FGGY: variants seen among roughly 807,000 people sequenced by gnomAD.
FGGY encodes FGGY carbohydrate kinase domain containing.
FGGY carries 72 observed loss-of-function variants against 71.3 expected under a neutral mutation model. The observed-to-expected ratio is 1.01, with a 90% CI of 0.84 to 1.23. FGGY has a LOEUF of 1.23. FGGY is among the 50% of genes most tolerant of loss of function. The pLI, the probability that FGGY is intolerant of heterozygous loss-of-function variation, is 0.00. For synonymous variants in FGGY, 251 were observed against 250.3 expected, an observed-to-expected ratio of 1.00 and a Z score of -0.02; for missense variants, 668 against 682.3, an observed-to-expected ratio of 0.98 and a Z score of 0.23.
chr1:59,737,717 G>A (rs1483648979), intron 14 of FGGY, among the ~76,000 whole-genome samples: 2 of 152,220 alleles, frequency 1.3e-5, no homozygotes, highest in Non-Finnish European at 2.9e-5. Flanking sequence ...AGGCAGAAGG[G>A]ACTTACCTTT....
At chr1:59,462,869 A>G (rs2092347114) in intron 6 of FGGY, among the ~76,000 whole-genome samples, 1 of 151,750 alleles carries the variant, frequency 6.6e-6, no homozygotes, top group Non-Finnish European at 1.5e-5. Flanking sequence ...GGGACTGTAA[A>G]CTAGTTCAAC....
intron 14 of FGGY, among the ~76,000 whole-genome samples, chr1:59,748,853 C>T (rs984788027): frequency 6.6e-6 from 1 of 151,980 alleles, no homozygotes; most frequent in African/African-American, 2.4e-5. Flanking sequence ...GGCTGAGAAC[C>T]CCTCCGTAGC....
In FGGY at chr1:59,647,693, G is replaced by A. The variant is rs1005307853; in HGVS notation, c.1221+9318G>A. Among the ~76,000 whole-genome samples the A allele has an allele frequency of 2.0e-5, 3 of 150,210 alleles. No homozygotes were observed. In the East Asian group the frequency reaches 5.9e-4, roughly 29 times the overall value. ...AAAGGTCAGCCAGTGATCCTTCTCA[G>A]CTTTCAGAGGCCTCCGGCATTCCTG... On this transcript the variant is annotated intron_variant, in intron 11 of 15. Coordinates refer to ENST00000303721, the MANE Select transcript of FGGY (RefSeq NM_018291.5).
chr1:59,558,798 A>G (rs984574265), intron 8 of FGGY, among the ~76,000 whole-genome samples: 5 of 146,680 alleles, frequency 3.4e-5, no homozygotes, highest in African/African-American at 5.2e-5. Context: ...TCTCAACCTC[A>G]TAAGACAGAC....
At chr1:59,372,463 C>T (rs1171066053) in intron 4 of FGGY, among the ~76,000 whole-genome samples, 6 of 152,094 alleles carry the variant, frequency 3.9e-5, no homozygotes, top group Non-Finnish European at 5.9e-5. Flanking sequence ...GATTCACAGC[C>T]GAATTCTACC....
At chr1:59,720,227 A>G (rs1244620472) in intron 14 of FGGY, among the ~76,000 whole-genome samples, 1 of 152,178 alleles carries the variant, frequency 6.6e-6, no homozygotes, top group Non-Finnish European at 1.5e-5. Context: ...CACCCAATGC[A>G]TGCTTTGCAA....
At chr1:59,483,357 T>C (rs915236537) in intron 6 of FGGY, among the ~76,000 whole-genome samples, 51 of 152,182 alleles carry the variant, frequency 3.4e-4, no homozygotes, top group African/African-American at 1.1e-3. Context: ...ATACTGGAGA[T>C]AGCACATGTG....
chr1:59,675,250 G>C (rs1392087363), intron 14 of FGGY, among the ~76,000 whole-genome samples: 1 of 152,138 alleles, frequency 6.6e-6, no homozygotes, highest in Non-Finnish European at 1.5e-5. Context: ...CAGGTATCTA[G>C]TAGCTCAGTA....
chr1:59,350,002 C>G lies in FGGY; in HGVS notation c.465+3604C>G, dbSNP rs188075374. 2.8e-3 allele frequency among the ~76,000 whole-genome samples: 421 copies of G among 151,984 alleles called. 2 individuals are homozygous for G. In the South Asian group the frequency reaches 0.03, roughly 11 times the overall value. On this transcript the variant is annotated intron_variant, in intron 4 of 15. Coordinates refer to ENST00000303721, the MANE Select transcript of FGGY (RefSeq NM_018291.5). ...AGCTCTGCTCCCCTACCCTGAAAAG[C>G]ATCCACTTTTGGGGAATCAGGGAAT...
At chr1:59,415,961 C>T (rs753548382) in intron 5 of FGGY, among the ~76,000 whole-genome samples, 1 of 152,150 alleles carries the variant, frequency 6.6e-6, no homozygotes. Flanking sequence ...ACCAACTATA[C>T]CCATGGAGAG....
chr1:59,466,017 T>C (rs1397988224), intron 6 of FGGY, among the ~76,000 whole-genome samples: 7 of 152,176 alleles, frequency 4.6e-5, no homozygotes, highest in Non-Finnish European at 1.5e-5. Context: ...TTAAAGTTCA[T>C]ATGGAACCAA....
intron 6 of FGGY, among the ~76,000 whole-genome samples, chr1:59,510,799 A>G (rs542132364): frequency 6.6e-6 from 1 of 152,314 alleles, no homozygotes; most frequent in East Asian, 1.9e-4. Context: ...TTTCCGCTTA[A>G]CACCTCTCAA....
chr1:59,502,761 AC>A (rs1217519774), intron 6 of FGGY, among the ~76,000 whole-genome samples: 1 of 152,070 alleles, frequency 6.6e-6, no homozygotes, highest in Non-Finnish European at 1.5e-5. Flanking sequence ...CAGGGAAGCC[AC>A]CTCCTTCTCT....
chr1:59,644,529 T>G (rs1335707153), intron 11 of FGGY, among the ~76,000 whole-genome samples: 3 of 152,000 alleles, frequency 2.0e-5, no homozygotes, highest in African/African-American at 7.3e-5. Context: ...TACGATTATT[T>G]AAAAGAAGCA....
At position 59,433,709 on chromosome 1, in the gene FGGY, A is replaced by G. The variant is rs763138957; in HGVS notation, c.555-23252A>G. On this transcript the variant is annotated intron_variant, in intron 5 of 15. Transcript: ENST00000303721. ...TGTCACTGGTGACACATAGAGCCCA[A>G]TGAGAACTCTGTTGGAAACTCAAGT... Among the ~76,000 whole-genome samples, 188 of 152,268 alleles carry G rather than the reference A, an allele frequency of 1.2e-3. 1 individual carries two copies. Among genetic ancestry groups the G allele is most frequent in the East Asian group, 3.9e-4 (2 of 5,180 alleles).
At chr1:59,378,912 C>T (rs2059014398) in intron 5 of FGGY, 75 bp downstream of exon 5, 2 of 1,193,160 alleles carry the variant, frequency 1.7e-6, no homozygotes, top group Non-Finnish European at 1.2e-6. Context: ...GCTTTCTTAA[C>T]TCTCTTTGAC....
chr1:59,340,294 C>G (rs1428821262), intron 3 of FGGY, among the ~76,000 whole-genome samples: 1 of 152,146 alleles, frequency 6.6e-6, no homozygotes, highest in Non-Finnish European at 1.5e-5. Flanking sequence ...TTCTAAAACT[C>G]AGGAGCCACA....
intron 2 of FGGY, among the ~76,000 whole-genome samples, chr1:59,323,572 G>C (rs2153136454): frequency 6.6e-6 from 1 of 152,330 alleles, no homozygotes; most frequent in Middle Eastern, 3.4e-3. Flanking sequence ...AACACCATAG[G>C]AATGAGAGAG....
intron 14 of FGGY, chr1:59,699,492 T>C (rs1194832322): frequency 2.6e-6 from 2 of 767,774 alleles, no homozygotes; most frequent in Non-Finnish European, 3.2e-6. Context: ...CCCTCTGCTC[T>C]TTTGCCATGG....
Sources: allele counts gnomAD v4.1 joint callset (sites outside exome capture counted in the v4.1 genomes callset), GRCh38; gene constraint gnomAD v4.1.1; transcripts MANE v1.5; gene names NCBI Gene and HGNC (gene_info 2026-07-23, HGNC 2026-07-21).